The following PSME2 variants were observed in gnomAD, a reference collection of about 807,000 sequenced individuals.
PSME2 encodes proteasome activator subunit 2.
A neutral mutation model predicts 38.8 loss-of-function variants in PSME2; 20 were observed. The ratio of observed to expected loss-of-function variants is 0.52; its 90% CI spans 0.36 to 0.75. PSME2 has a LOEUF of 0.75. Ranked by LOEUF, PSME2 falls within the 30% of genes least tolerant of loss-of-function variation. PSME2 has a pLI of 0.00. For missense variants in PSME2, 227 were observed against 287.6 expected (o/e 0.79, Z 1.52); for synonymous variants, 82 against 102.5 (o/e 0.80, Z 1.21).
chr14:24,143,855 T>TA lies in PSME2; in HGVS notation c.552+119dup. 3.6e-6 allele frequency: 5 copies of TA among 1,385,350 alleles called. No homozygotes were observed. Among genetic ancestry groups the TA allele is most frequent in the Non-Finnish European group, 4.1e-6 (4 of 987,016 alleles). 85.8% of individuals were successfully genotyped at this position (1,385,350 alleles called of 1,614,324 possible). On this transcript the variant is annotated intron_variant, in intron 9 of 10. Transcript: ENST00000216802. The surrounding 1 kb of genome is among the most constrained non-coding windows in gnomAD (Gnocchi z 4.4). ...TGAAGCCCAAACCAGTTTTTCTAGGTAATGCTTTTAGCTTAATATTCTCCA... is the reference window on the plus strand; with the variant it reads ...TGAAGCCCAAACCAGTTTTTCTAGGTAAATGCTTTTAGCTTAATATTCTCCA...
intron 2 of PSME2, 67 bp from the exon 3 acceptor site, chr14:24,145,839 C>CT (rs765273862): frequency 6.7e-7 from 1 of 1,498,672 alleles, no homozygotes; most frequent in Non-Finnish European, 9.3e-7. Context: ...ACAAATGGAA[C>CT]TGGAAGGGCC....
chr14:24,144,920 G>A (rs1205370087), intron 6 of PSME2, 138 bp downstream of exon 6: 7 of 837,216 alleles, frequency 8.4e-6, no homozygotes, highest in Middle Eastern at 3.6e-4. Context: ...AGAACAAAGG[G>A]GATCTAAGCC....
At chr14:24,145,497 A>C in intron 3 of PSME2, 32 bp from the exon 4 acceptor site, 1 of 1,533,868 alleles carries the variant, frequency 6.5e-7, no homozygotes, top group Non-Finnish European at 8.8e-7. Flanking sequence ...GGGCTGCCCA[A>C]CCTCTTCCCT....
chr14:24,144,348 C>T (rs2038119679), intron 7 of PSME2, 52 bp downstream of exon 7: 4 of 1,608,152 alleles, frequency 2.5e-6, no homozygotes, highest in Non-Finnish European at 3.4e-6. Context: ...ATGTCTAGCT[C>T]ACCCCCTGAG....
chr14:24,146,458 G>A (rs2038158151), intron 1 of PSME2, 76 bp downstream of exon 1: 9 of 1,589,690 alleles, frequency 5.7e-6, no homozygotes, highest in Non-Finnish European at 6.0e-6. Context: ...GCACTGCTTG[G>A]TCCCCTGAAC....
In PSME2 at chr14:24,144,442, G is replaced by A. The variant is rs377218484; in HGVS notation, c.387C>T (p.Ile129=). Residue 129 remains isoleucine, a synonymous_variant, in exon 7 of 11, where the codon ATC becomes ATT. Coordinates refer to ENST00000216802, the MANE Select transcript of PSME2 (RefSeq NM_002818.3). ...ILVITWIQHL[I]PKIEDGNDFG... ...AATCATTTCCATCTTCAATCTTGGG[G>A]ATCAGGTGTTGGATCCATGTAATCA... is the stretch of plus-strand genomic sequence containing the variant. 14 of 1,613,382 alleles carry A rather than the reference G, an allele frequency of 8.7e-6. No homozygotes were observed. The highest frequency in any genetic ancestry group is 1.3e-5 in the African/African-American group (1 of 74,910).
intron 1 of PSME2, 116 bp from the exon 2 acceptor site, chr14:24,146,356 T>C: frequency 6.9e-7 from 1 of 1,455,754 alleles, no homozygotes; most frequent in Non-Finnish European, 9.6e-7. Context: ...AAACTAGCTT[T>C]CCCTGGAAGC....
intron 8 of PSME2, 51 bp from the exon 9 acceptor site, chr14:24,144,080 T>G: frequency 6.2e-7 from 1 of 1,611,070 alleles, no homozygotes; most frequent in Non-Finnish European, 8.5e-7. Context: ...GGAGATGTAC[T>G]CCCTCAGACC....
chr14:24,144,068 A>G lies in PSME2; in HGVS notation c.498-39T>C, dbSNP rs1439955259. ...GGGAATACCACAGGAATGAGTGTTC[A>G]GGGAGATGTACTCCCTCAGACCCTT... On this transcript the variant is annotated intron_variant, in intron 8 of 10. Coordinates refer to ENST00000216802, the MANE Select transcript of PSME2 (RefSeq NM_002818.3). 1.9e-6 allele frequency: 3 copies of G among 1,611,864 alleles called. No individual in the cohort carries two copies. The Admixed American group carries it at 5.0e-5, about 27-fold the overall frequency.
chr14:24,143,665 A>G lies in PSME2; in HGVS notation c.559T>C (p.Tyr187His). 6.2e-7 allele frequency: 1 copy of G among 1,614,114 alleles called. No homozygotes were observed. ...TCTCGCTCATGCACCAAGGCCCGGT[A>G]ATCCATCTGCAATGTGGGAGGCAAA... is the stretch of plus-strand genomic sequence containing the variant. ...KASKETHVMD[Y>H]RALVHERDEA... Residue 187 changes from tyrosine to histidine, a missense_variant, in exon 10 of 11, where the codon TAC becomes CAC. Coordinates refer to ENST00000216802, the MANE Select transcript of PSME2 (RefSeq NM_002818.3). The surrounding 1 kb of genome is among the most constrained non-coding windows in gnomAD (Gnocchi z 4.4).
intron 2 of PSME2, 21 bp from the exon 3 acceptor site, chr14:24,145,793 G>GA (rs1566610035): frequency 6.2e-7 from 1 of 1,605,146 alleles, no homozygotes; most frequent in African/African-American, 1.3e-5. Flanking sequence ...CATTGCAAGG[G>GA]AGGGGAATCA....
chr14:24,143,438 T>C lies in PSME2; in HGVS notation c.691A>G (p.Lys231Glu). Reference protein sequence around the residue: ...SSNLEKIVNPKGEEKPSMY With the variant: ...SSNLEKIVNPEGEEKPSMY ...TACATAGATGGCTTTTCTTCACCCTTTGGGTTGACAATTTTCTCCAGGTTG... is the reference window on the plus strand; with the variant it reads ...TACATAGATGGCTTTTCTTCACCCTCTGGGTTGACAATTTTCTCCAGGTTG... Residue 231 changes from lysine to glutamate, a missense_variant, in exon 11 of 11, where the codon AAG becomes GAG. This residue lies in a region of PSME2 where 99 missense variants were observed against 113.9 expected (regional missense o/e 0.87). Transcript: ENST00000216802. This position sits in a 1 kb window ranked among gnomAD's most constrained non-coding sequence, Gnocchi z 4.4. 1 of 1,614,126 alleles carries C rather than the reference T, an allele frequency of 6.2e-7. No homozygotes were observed. The highest frequency in any genetic ancestry group is 8.5e-7 in the Non-Finnish European group (1 of 1,179,984).
At position 24,145,433 on chromosome 14, in the gene PSME2, G is replaced by A; in HGVS notation, c.177C>T (p.Ser59=). The A allele has an allele frequency of 2.6e-6, 4 of 1,558,336 alleles. No homozygotes were observed. The highest frequency in any genetic ancestry group is 1.4e-5 in the African/African-American group (1 of 73,182). Residue 59 remains serine (S), a synonymous_variant, in exon 4 of 11, where the codon TCC becomes TCT. Transcript: ENST00000216802. ...TGGGGATGTCCAGTGGGGCCCGGAG[G>A]GAAGTCAAGTCAGCCACATTGAGGG... ...EDSLNVADLT[S]LRAPLDIPIP...
chr14:24,144,529 T>A (rs2038122175), intron 6 of PSME2, 61 bp from the exon 7 acceptor site: 1 of 1,498,440 alleles, frequency 6.7e-7, no homozygotes, highest in African/African-American at 1.4e-5. Context: ...TTCCTATTAC[T>A]GTCACTTCCT....
chr14:24,144,541 A>C, intron 6 of PSME2, 73 bp from the exon 7 acceptor site: 1 of 1,451,866 alleles, frequency 6.9e-7, no homozygotes, highest in Non-Finnish European at 9.7e-7. Flanking sequence ...TCACTTCCTA[A>C]AAAAAGTTAT....
In PSME2 at chr14:24,144,124, G is replaced by C. The variant is rs1361843801; in HGVS notation, c.497+68C>G. On this transcript the variant is annotated intron_variant, in intron 8 of 10. Transcript: ENST00000216802. The stretch of plus-strand genomic sequence containing the variant: ...AGTCTCCCATCATCCTGATAGGGCT[G>C]CCCAGCTCTGGGGGTCCCAAAGAAA... 3.1e-6 allele frequency: 5 copies of C among 1,610,512 alleles called. No homozygotes were observed. The East Asian group carries it at 8.9e-5, about 29-fold the overall frequency.
Position 24,143,969 on chromosome 14 carries a change from A to G in PSME2, c.552+6T>C. 1 of 1,613,794 alleles carries G rather than the reference A, an allele frequency of 6.2e-7. No homozygotes were observed. ...CAGCTAAAAGGCTGGTGGACTATCC[A>G]CTCACTACATGAGTCTCCTTGGAGG... On this transcript the variant is annotated splice_donor_region_variant and intron_variant, in intron 9 of 10. Transcript: ENST00000216802. This position sits in a 1 kb window ranked among gnomAD's most constrained non-coding sequence, Gnocchi z 4.4.
chr14:24,143,702 C>T lies in PSME2; in HGVS notation c.553-31G>A, dbSNP rs1213009723. ...ATGTGGGAGGCAAAGCTGAGTCAGT[C>T]CCATGGGAGGCTGGGACATGAGTCT... On this transcript the variant is annotated intron_variant, in intron 9 of 10. Transcript: ENST00000216802. This position sits in a 1 kb window ranked among gnomAD's most constrained non-coding sequence, Gnocchi z 4.4. 1 of 1,604,504 alleles carries T rather than the reference C, an allele frequency of 6.2e-7. No homozygotes were observed. The highest frequency in any genetic ancestry group is 1.1e-5 in the South Asian group (1 of 90,814).
Position 24,143,427 on chromosome 14 carries a change from T to C in PSME2, c.702A>G (p.Glu234=). Residue 234 remains glutamate (E), a synonymous_variant, in exon 11 of 11, where the codon GAA becomes GAG. Coordinates refer to ENST00000216802, the MANE Select transcript of PSME2 (RefSeq NM_002818.3). The surrounding 1 kb of genome is among the most constrained non-coding windows in gnomAD (Gnocchi z 4.4). ...LEKIVNPKGE[E]KPSMY is the part of the protein sequence containing the mutation. ...CCCGGGTTCAGTACATAGATGGCTT[T>C]TCTTCACCCTTTGGGTTGACAATTT... 1 of 1,614,086 alleles carries C rather than the reference T, an allele frequency of 6.2e-7. No homozygotes were observed. The highest frequency in any genetic ancestry group is 8.5e-7 in the Non-Finnish European group (1 of 1,179,892).
Sources: gnomAD v4.1 joint callset for allele counts on GRCh38, gnomAD v4.1.1 for gene constraint, gnomAD v4.1.1 regional missense constraint, Gnocchi (gnomAD v3.1) non-coding constraint, MANE v1.5 for transcripts, NCBI Gene and HGNC (gene_info 2026-07-23, HGNC 2026-07-21) for gene names.